The following CNTN5 variants were observed in gnomAD, a reference collection of about 807,000 sequenced individuals.
The protein encoded by CNTN5 is contactin 5.
CNTN5 carries 77 observed loss-of-function variants against 129.1 expected under a neutral mutation model. The ratio of observed to expected loss-of-function variants is 0.60; its 90% CI spans 0.50 to 0.72. The LOEUF is 0.72. Among genes scored for constraint, CNTN5 ranks in the 30% least tolerant of loss-of-function variants. CNTN5 has a pLI of 0.00. For synonymous variants in CNTN5, 509 were observed against 465.6 expected (o/e 1.09, Z -1.20); for missense variants, 1,478 against 1,328.8 (o/e 1.11, Z -1.75).
intron 1 of CNTN5, among the ~76,000 whole-genome samples, chr11:99,147,834 C>A (rs974616285): frequency 1.1e-3 from 165 of 152,022 alleles, no homozygotes; most frequent in Non-Finnish European, 2.2e-3. Context: ...CACAGAAAGC[C>A]ATGTTTTCAT....
chr11:99,522,916 G>T (rs188330962), intron 2 of CNTN5, among the ~76,000 whole-genome samples: 2 of 151,992 alleles, frequency 1.3e-5, no homozygotes, highest in East Asian at 3.9e-4. Flanking sequence ...ATTTGATTAG[G>T]TCACACTCCC....
At chr11:99,832,758 G>C (rs1947183738) in intron 4 of CNTN5, among the ~76,000 whole-genome samples, 1 of 152,050 alleles carries the variant, frequency 6.6e-6, no homozygotes, top group Admixed American at 6.6e-5. Flanking sequence ...GTATACTAAT[G>C]ATCATTAAAA....
intron 9 of CNTN5, among the ~76,000 whole-genome samples, chr11:100,040,279 C>G (rs1942293267): frequency 6.6e-6 from 1 of 152,190 alleles, no homozygotes; most frequent in Non-Finnish European, 1.5e-5. Context: ...GGCTGCAGAA[C>G]AGCAGATATT....
chr11:100,325,779 A>G (rs1384013734), intron 21 of CNTN5, among the ~76,000 whole-genome samples: 2 of 152,234 alleles, frequency 1.3e-5, no homozygotes, highest in Admixed American at 6.5e-5. Flanking sequence ...TCACCATTCA[A>G]ATAATCCTTA....
chr11:99,652,772 G>A (rs1171166254), intron 3 of CNTN5, among the ~76,000 whole-genome samples: 1 of 151,994 alleles, frequency 6.6e-6, no homozygotes, highest in Non-Finnish European at 1.5e-5. Context: ...ATTATTTTGT[G>A]TGTTATTAAA....
chr11:100,113,880 C>T (rs140346012), intron 13 of CNTN5, among the ~76,000 whole-genome samples: 3 of 152,066 alleles, frequency 2.0e-5, no homozygotes, highest in African/African-American at 4.8e-5. Context: ...TAGCGTATGT[C>T]TCATGTGGTC....
chr11:100,129,215 A>C (rs528552852), intron 13 of CNTN5, among the ~76,000 whole-genome samples: 1 of 152,116 alleles, frequency 6.6e-6, no homozygotes, highest in Non-Finnish European at 1.5e-5. Flanking sequence ...ATACATTTAT[A>C]TAGCGTGCGT....
At chr11:100,060,251 C>T (rs1192566708) in intron 9 of CNTN5, among the ~76,000 whole-genome samples, 2 of 150,516 alleles carry the variant, frequency 1.3e-5, no homozygotes, top group Admixed American at 6.6e-5. Context: ...CCGCTGCTTT[C>T]AATGTTTACC....
intron 2 of CNTN5, among the ~76,000 whole-genome samples, chr11:99,509,456 T>C (rs1480838465): frequency 1.3e-5 from 2 of 152,212 alleles, no homozygotes; most frequent in Non-Finnish European, 2.9e-5. Context: ...TTCTTCTTCA[T>C]GTTCACTGAG....
At chr11:99,216,965 G>A (rs941135847) in intron 1 of CNTN5, among the ~76,000 whole-genome samples, 3 of 151,986 alleles carry the variant, frequency 2.0e-5, no homozygotes, top group Admixed American at 6.6e-5. Flanking sequence ...CAGGCAAATC[G>A]TGAGGTCAAG....
At chr11:100,123,780 T>C (rs896280886) in intron 13 of CNTN5, among the ~76,000 whole-genome samples, 37 of 152,152 alleles carry the variant, frequency 2.4e-4, no homozygotes, top group African/African-American at 8.9e-4. Flanking sequence ...ATTATAAATA[T>C]ATTGATTATA....
chr11:99,239,218 A>G (rs888782175), intron 1 of CNTN5, among the ~76,000 whole-genome samples: 1 of 152,212 alleles, frequency 6.6e-6, no homozygotes, highest in Non-Finnish European at 1.5e-5. Context: ...CTGAAAAAGT[A>G]TAAAGATTAG....
intron 6 of CNTN5, among the ~76,000 whole-genome samples, chr11:99,889,294 GTGTGTGTGTGTGTGT>G (rs1565642539): frequency 2.1e-4 from 1 of 4,826 alleles, no homozygotes; most frequent in Non-Finnish European, 3.5e-4. Flanking sequence ...CAGAGCAGGT[GTGTGTGTGTGTGTGT>G]GTGTGTGTGT....
chr11:99,074,816 C>T (rs1296198962), intron 1 of CNTN5, among the ~76,000 whole-genome samples: 1 of 151,362 alleles, frequency 6.6e-6, no homozygotes, highest in Non-Finnish European at 1.5e-5. Context: ...TCAGTAGATT[C>T]AAAAAGAAAA....
intron 21 of CNTN5, among the ~76,000 whole-genome samples, chr11:100,326,718 T>A (rs1314196865): frequency 1.3e-5 from 2 of 152,204 alleles, no homozygotes; most frequent in Non-Finnish European, 2.9e-5. Context: ...ATGTGATAGT[T>A]GTAATAATAA....
At position 99,466,419 on chromosome 11, in the gene CNTN5, G is replaced by A. The variant is rs149240927; in HGVS notation, c.-70-89726G>A. On this transcript the variant is annotated intron_variant, in intron 2 of 24. Transcript: ENST00000524871. ...TCTAAAAAATTCACTTTACCTTCTC[G>A]ATATCTTTGATATTCTTTTTTCAGA... is the stretch of plus-strand genomic sequence containing the variant. 6.9e-3 allele frequency among the ~76,000 whole-genome samples: 1,049 copies of A among 152,046 alleles called. 17 individuals carry two copies. Among genetic ancestry groups the A allele is most frequent in the African/African-American group, 0.023 (972 of 41,498 alleles).
At chr11:100,016,992 C>T (rs898183253) in intron 9 of CNTN5, among the ~76,000 whole-genome samples, 21 of 151,682 alleles carry the variant, frequency 1.4e-4, no homozygotes, top group Non-Finnish European at 2.9e-4. Context: ...AAAAGATAGT[C>T]GATGAGAACA....
At chr11:100,282,903 C>T (rs959625682) in intron 18 of CNTN5, among the ~76,000 whole-genome samples, 1 of 151,618 alleles carries the variant, frequency 6.6e-6, no homozygotes, top group Non-Finnish European at 1.5e-5. Flanking sequence ...CAGTCTACTG[C>T]CAGTGTTCCC....
intron 13 of CNTN5, among the ~76,000 whole-genome samples, chr11:100,176,006 T>C (rs1947952486): frequency 6.6e-6 from 1 of 152,112 alleles, no homozygotes; most frequent in Admixed American, 6.6e-5. Context: ...TAATTGACTT[T>C]ATAGTTGAAG....
Sources: gnomAD v4.1 joint callset for allele counts (sites outside exome capture counted in the v4.1 genomes callset) on GRCh38, gnomAD v4.1.1 for gene constraint, MANE v1.5 for transcripts, NCBI Gene and HGNC (gene_info 2026-07-23, HGNC 2026-07-21) for gene names.